Variants in DEAF1 observed in about 807,000 individuals in gnomAD.
The protein encoded by DEAF1 is deformed epidermal autoregulatory factor 1 homolog.
DEAF1 carries 53 observed loss-of-function variants against 58.9 expected under a neutral mutation model. That is an observed-to-expected ratio of 0.90 (90% confidence interval 0.72 to 1.13). The LOEUF (loss-of-function observed/expected upper bound fraction) is 1.13, where lower values mean the gene tolerates loss of function less well. DEAF1 is among the 50% of genes most tolerant of loss of function. The pLI is 0.00. For synonymous variants in DEAF1, 385 were observed against 340.4 expected, an observed-to-expected ratio of 1.13 and a Z score of -1.44; for missense variants, 685 against 791.4, an observed-to-expected ratio of 0.87 and a Z score of 1.61.
At chr11:701,406 CTTTTTTTT>C (rs71022955) in intron 1 of DEAF1, among the ~76,000 whole-genome samples, 1 of 64,900 alleles carries the variant, frequency 1.5e-5, no homozygotes, top group Non-Finnish European at 2.7e-5. Context: ...GACAAGGTTT[CTTTTTTTT>C]TTTTTTTTTT....
At chr11:698,631 G>A (rs529942711), upstream of DEAF1, among the ~76,000 whole-genome samples, 5 of 152,210 alleles carry the variant, frequency 3.3e-5, no homozygotes, top group South Asian at 4.1e-4. Flanking sequence ...CGGTGCCCCC[G>A]GTACTCGCTG....
chr11:663,117 G>C (rs1859385977), intron 10 of DEAF1, among the ~76,000 whole-genome samples: 1 of 152,156 alleles, frequency 6.6e-6, no homozygotes, highest in Non-Finnish European at 1.5e-5. Context: ...TTCAGGACCA[G>C]CCTCGGCAAC....
chr11:698,933 A>G (rs776448197), upstream of DEAF1: 6 of 1,613,056 alleles, frequency 3.7e-6, no homozygotes, highest in Middle Eastern at 1.6e-4. Context: ...AGAGGCCCGA[A>G]TTGCTGCTGC....
At chr11:700,526 C>CAA (rs34654075) in intron 1 of DEAF1, 23,000 of 893,834 alleles carry the variant, frequency 0.026, 15 homozygotes, top group Non-Finnish European at 0.03. Flanking sequence ...GACCCTGTCT[C>CAA]AAAAAAAAAA....
chr11:698,826 C>T (rs778343853), upstream of DEAF1: 2 of 1,613,634 alleles, frequency 1.2e-6, no homozygotes, highest in East Asian at 2.2e-5. Context: ...GGAAAGCATC[C>T]TGGTGGCTGT....
rs145810238 is a variant in DEAF1 at position 678,746 on chromosome 11, G to A, written c.1203C>T (p.Cys401=). ...EPHYPGYQDS[C]QIAPFPEAAL... ...CAGCTTCTGGAAACGGTGCGATCTGGCAGCTGTCCTGATAGCCGGGGTAGT... is the reference window on the plus strand; with the variant it reads ...CAGCTTCTGGAAACGGTGCGATCTGACAGCTGTCCTGATAGCCGGGGTAGT... The change falls in exon 9 of 12, where the codon TGC becomes TGT. Residue 401 remains cysteine (C), a synonymous_variant. Transcript: ENST00000382409. 36 of 1,614,094 alleles carry A rather than the reference G, an allele frequency of 2.2e-5. No homozygotes were observed. Among genetic ancestry groups the A allele is most frequent in the Non-Finnish European group, 2.9e-5 (34 of 1,180,036 alleles).
chr11:653,134 C>A (rs543441915), intron 11 of DEAF1, among the ~76,000 whole-genome samples: 52 of 145,764 alleles, frequency 3.6e-4, no homozygotes, highest in Non-Finnish European at 6.2e-4. Context: ...CTCCCGAGTA[C>A]TCTGATTATG....
At chr11:653,864 G>T (rs903598513) in intron 11 of DEAF1, 98 bp downstream of exon 11, 3 of 1,046,114 alleles carry the variant, frequency 2.9e-6, no homozygotes, top group Non-Finnish European at 4.5e-6. Flanking sequence ...GGGGAGTCAG[G>T]TGTGGCACCA....
chr11:649,414 C>G (rs539031943), intron 11 of DEAF1, among the ~76,000 whole-genome samples: 11 of 130,644 alleles, frequency 8.4e-5, no homozygotes, highest in Admixed American at 2.2e-4. Flanking sequence ...AGAGAGAGAC[C>G]CCACTTAAAA....
rs1416935495 is a variant in DEAF1, at chr11:686,873, C to T, written c.789G>A (p.Leu263=). 1.9e-6 allele frequency: 3 copies of T among 1,614,088 alleles called. No homozygotes were observed. In the African/African-American group the frequency reaches 4.0e-5, roughly 22 times the overall value. The change falls in exon 5 of 12, where the codon TTG becomes TTA. Residue 263 remains leucine, a synonymous_variant. Coordinates refer to ENST00000382409, the MANE Select transcript of DEAF1 (RefSeq NM_021008.4). ...CGGACGATACCTGGATGAGGCACTG[C>T]AAGGGTCGGCCCGCGTAGCGAATGC... ...KRSIRYAGRP[L]QCLIQDGILN...
chr11:655,212 C>T (rs1455809290), intron 10 of DEAF1, among the ~76,000 whole-genome samples: 2 of 152,210 alleles, frequency 1.3e-5, no homozygotes, highest in African/African-American at 4.8e-5. Context: ...TCAGCCTGGG[C>T]GCACCGTGGC....
At chr11:682,168 G>C (rs1304510775) in intron 6 of DEAF1, among the ~76,000 whole-genome samples, 1 of 152,194 alleles carries the variant, frequency 6.6e-6, no homozygotes, top group Non-Finnish European at 1.5e-5. Context: ...AGTTTTGGCT[G>C]TCGCTCTTCC....
chr11:695,098 G>T lies in DEAF1; in HGVS notation c.-51C>A. 7.2e-7 allele frequency: 1 copy of T among 1,393,552 alleles called. No homozygotes were observed. Among genetic ancestry groups the T allele is most frequent in the East Asian group, 3.2e-5 (1 of 31,360 alleles). The allele number at this position is 1,393,552 out of a possible 1,614,324, so 86.3% of individuals were successfully genotyped here. ...GGCGCCGTCCGGGACCGCCCGAAGCGCCGGTCGCGGAGCCCGAAGCGGGGC... is the reference window on the plus strand; with the variant it reads ...GGCGCCGTCCGGGACCGCCCGAAGCTCCGGTCGCGGAGCCCGAAGCGGGGC... On this transcript the variant is annotated 5_prime_UTR_variant, in exon 1 of 12. Coordinates refer to ENST00000382409, the MANE Select transcript of DEAF1 (RefSeq NM_021008.4).
In DEAF1 at chr11:674,848, C is replaced by G. The variant is rs1859986071; in HGVS notation, c.1256-65G>C. 5 of 1,597,710 alleles carry G rather than the reference C, an allele frequency of 3.1e-6. No individual in the cohort carries two copies. In the South Asian group the frequency reaches 5.5e-5, roughly 18 times the overall value. On this transcript the variant is annotated intron_variant, in intron 9 of 11. Transcript: ENST00000382409. The stretch of plus-strand genomic sequence containing the variant: ...ACATCTCCTAGCTTCAAAATGGCCT[C>G]CGTTAAAAATTCTCAGCCGGGCGCG...
At chr11:659,461 G>A (rs1218313900) in intron 10 of DEAF1, among the ~76,000 whole-genome samples, 1 of 152,160 alleles carries the variant, frequency 6.6e-6, no homozygotes, top group East Asian at 1.9e-4. Flanking sequence ...GCTGTGGTTG[G>A]AGGCAGCCTG....
intron 9 of DEAF1, among the ~76,000 whole-genome samples, chr11:675,017 T>TA (rs370292958): frequency 2.0e-5 from 3 of 151,150 alleles, no homozygotes; most frequent in Non-Finnish European, 4.4e-5. Context: ...AAAAATTGGC[T>TA]AAAAAAAATA....
exon 1 of DEAF1, chr11:706,856 G>C (rs148953433): frequency 6.5e-6 from 1 of 153,072 alleles, no homozygotes; most frequent in Non-Finnish European, 1.5e-5. Flanking sequence ...GGGGAGGCTG[G>C]GACAGGGGCT....
rs1173223822 is a variant in DEAF1 at position 679,794 on chromosome 11, C to G, written c.1020G>C (p.Gln340His). ...AGGTCAGTGCCCCCGAGGTCGTGAT[C>G]TGTCCCGAGGGGGTCACGGTGACTG... ...ATTFTVTPSG[Q>H]ITTSGALTFD... Residue 340 changes from glutamine (Q) to histidine (H), a missense_variant, in exon 8 of 12, where the codon CAG (glutamine) becomes CAC (histidine). Physicochemically the swap from Gln to His is conservative, Grantham distance 24. Around this residue, in one of 3 missense-constraint regions of DEAF1, gnomAD observed 343 missense variants for 379.8 expected, o/e 0.90. Coordinates refer to ENST00000382409, the MANE Select transcript of DEAF1 (RefSeq NM_021008.4). 1 of 1,613,864 alleles carries G rather than the reference C, an allele frequency of 6.2e-7. No individual in the cohort carries two copies.
chr11:661,940 C>T (rs1359846566), intron 10 of DEAF1, among the ~76,000 whole-genome samples: 1 of 152,180 alleles, frequency 6.6e-6, no homozygotes, highest in East Asian at 1.9e-4. Context: ...ACCCACAGCC[C>T]GCGGGCTGCA....
Sources: allele counts gnomAD v4.1 joint callset (sites outside exome capture counted in the v4.1 genomes callset), GRCh38; gene constraint gnomAD v4.1.1; regional missense constraint gnomAD v4.1.1; transcripts MANE v1.5; gene names NCBI Gene and HGNC (gene_info 2026-07-23, HGNC 2026-07-21).